Variants in TMEM117 observed in about 807,000 individuals in gnomAD.
The protein encoded by TMEM117 is transmembrane protein 117.
A neutral mutation model predicts 52.4 loss-of-function variants in TMEM117; 27 were observed. The ratio of observed to expected loss-of-function variants is 0.51; its 90% CI spans 0.38 to 0.71. TMEM117 has a LOEUF of 0.71. Ranked by LOEUF, TMEM117 falls within the 30% of genes least tolerant of loss-of-function variation. The pLI is 0.00. For synonymous variants in TMEM117, 215 were observed against 206.3 expected (o/e 1.04, Z -0.36); for missense variants, 556 against 630.5 (o/e 0.88, Z 1.26).
chr12:44,329,961 A>G (rs1310826938), intron 6 of TMEM117, among the ~76,000 whole-genome samples: 1 of 152,090 alleles, frequency 6.6e-6, no homozygotes, highest in African/African-American at 2.4e-5. Flanking sequence ...GCTGCTATGA[A>G]CATTTGTATG....
At chr12:43,806,634 A>G in the TMEM117 span, among the ~76,000 whole-genome samples, 2 of 152,170 alleles carry the variant, frequency 1.3e-5, no homozygotes, top group Non-Finnish European at 2.9e-5. Context: ...CAAAAACGGA[A>G]GTGATCATTT....
intron 3 of TMEM117, among the ~76,000 whole-genome samples, chr12:43,949,964 C>T (rs1945193571): frequency 6.6e-6 from 1 of 152,174 alleles, no homozygotes; most frequent in Admixed American, 6.5e-5. Flanking sequence ...TCTCTGGACA[C>T]CCCTCCCCAA....
At chr12:43,830,610 C>CAAA in the TMEM117 span, among the ~76,000 whole-genome samples, 1 of 94,778 alleles carries the variant, frequency 1.1e-5, no homozygotes. Flanking sequence ...ACACTTGTCT[C>CAAA]AAAAAAAAAA....
At chr12:44,253,047 G>A (rs1592642240) in intron 5 of TMEM117, among the ~76,000 whole-genome samples, 1 of 152,208 alleles carries the variant, frequency 6.6e-6, no homozygotes. Flanking sequence ...TTACTGCTGT[G>A]TGAAACACAA....
chr12:44,297,837 A>C (rs1460031343), intron 5 of TMEM117, among the ~76,000 whole-genome samples: 2 of 152,182 alleles, frequency 1.3e-5, no homozygotes, highest in Non-Finnish European at 2.9e-5. Flanking sequence ...TTCTTATTAC[A>C]TAATACTTGC....
intron 6 of TMEM117, among the ~76,000 whole-genome samples, chr12:44,308,199 A>T (rs1302225274): frequency 2.0e-5 from 3 of 152,262 alleles, no homozygotes; most frequent in Non-Finnish European, 4.4e-5. Flanking sequence ...AACATGATTT[A>T]AAAAACTGGA....
At chr12:44,091,210 T>C (rs1232516924) in intron 3 of TMEM117, among the ~76,000 whole-genome samples, 2 of 152,116 alleles carry the variant, frequency 1.3e-5, no homozygotes, top group East Asian at 3.9e-4. Flanking sequence ...AGGAGACTTA[T>C]TTGCTATCAT....
intron 2 of TMEM117, among the ~76,000 whole-genome samples, chr12:43,920,033 T>C (rs1470153492): frequency 6.6e-6 from 1 of 152,000 alleles, no homozygotes; most frequent in Non-Finnish European, 1.5e-5. Flanking sequence ...TTCAATCTTC[T>C]CCCTGTGGCA....
At chr12:44,126,922 A>C (rs1948335138) in intron 3 of TMEM117, among the ~76,000 whole-genome samples, 1 of 152,244 alleles carries the variant, frequency 6.6e-6, no homozygotes, top group African/African-American at 2.4e-5. Context: ...AAAGAGAGCC[A>C]TGTAGTTCTG....
the TMEM117 span, among the ~76,000 whole-genome samples, chr12:43,826,422 G>T: frequency 6.6e-6 from 1 of 152,170 alleles, no homozygotes; most frequent in Non-Finnish European, 1.5e-5. Flanking sequence ...CCAATTGCCA[G>T]CTGGGACTGC....
intron 6 of TMEM117, among the ~76,000 whole-genome samples, chr12:44,338,698 A>T (rs1195817252): frequency 1.3e-5 from 2 of 152,108 alleles, no homozygotes; most frequent in Non-Finnish European, 2.9e-5. Context: ...ATGCAGATAT[A>T]TTTATACACA....
chr12:44,282,394 C>T (rs1215515964), intron 5 of TMEM117, among the ~76,000 whole-genome samples: 2 of 152,130 alleles, frequency 1.3e-5, no homozygotes, highest in Non-Finnish European at 2.9e-5. Context: ...TTTGGAACTT[C>T]TTAGCGACTT....
chr12:43,984,364 T>TAACAACAACAACAAC (rs3064367), intron 3 of TMEM117, among the ~76,000 whole-genome samples: 17 of 146,108 alleles, frequency 1.2e-4, no homozygotes, highest in African/African-American at 2.8e-4. Context: ...TGAGACTCCG[T>TAACAACAACAACAAC]AACAACAACA....
chr12:44,090,448 T>G (rs1297298973), intron 3 of TMEM117, among the ~76,000 whole-genome samples: 2 of 147,112 alleles, frequency 1.4e-5, no homozygotes, highest in African/African-American at 2.6e-5. Context: ...ATTTATTTAT[T>G]TATTTTGAGA....
intron 5 of TMEM117, among the ~76,000 whole-genome samples, chr12:44,293,117 A>G (rs189849097): frequency 2.8e-4 from 42 of 151,916 alleles, no homozygotes; most frequent in Admixed American, 7.2e-4. Flanking sequence ...CTGGATATAT[A>G]TATATACAAA....
intron 7 of TMEM117, among the ~76,000 whole-genome samples, chr12:44,383,350 T>TTAAG (rs59672138): frequency 0.23 from 34,958 of 151,960 alleles, 6,920 homozygotes; most frequent in African/African-American, 0.54. Flanking sequence ...CATTTGCTAT[T>TTAAG]TGAGGGTGAT....
At chr12:44,234,453 A>C (rs1046855002) in intron 5 of TMEM117, among the ~76,000 whole-genome samples, 8 of 151,134 alleles carry the variant, frequency 5.3e-5, no homozygotes, top group Non-Finnish European at 1.2e-4. Context: ...TGGCTTTTTT[A>C]TCATTCATTC....
Position 44,214,471 on chromosome 12 carries a change from A to C in TMEM117, c.608+3084A>C, listed in dbSNP as rs1183565012. 2.0e-5 allele frequency among the ~76,000 whole-genome samples: 3 copies of C among 152,138 alleles called. No individual in the cohort carries two copies. The East Asian group carries it at 5.8e-4, about 29-fold the overall frequency. On this transcript the variant is annotated intron_variant, in intron 5 of 7. Coordinates refer to ENST00000266534, the MANE Select transcript of TMEM117 (RefSeq NM_032256.3). ...GTGTGAGCCACCACACCCGGCCTCA[A>C]ATGGGTTTATTTTTAACATATGTGA...
chr12:44,282,362 A>G (rs1170114781), intron 5 of TMEM117, among the ~76,000 whole-genome samples: 1 of 152,100 alleles, frequency 6.6e-6, no homozygotes, highest in Non-Finnish European at 1.5e-5. Context: ...GGCCCAGGAG[A>G]AGACAGGAAA....
Sources: allele counts gnomAD v4.1 joint callset (sites outside exome capture counted in the v4.1 genomes callset), GRCh38; gene constraint gnomAD v4.1.1; transcripts MANE v1.5; gene names NCBI Gene and HGNC (gene_info 2026-07-23, HGNC 2026-07-21).